The following RPH3A variants were observed in gnomAD, a reference collection of about 807,000 sequenced individuals.
RPH3A encodes the protein rabphilin 3A.
In RPH3A, 48 loss-of-function variants were observed where a neutral mutation model predicts 102.2. The ratio of observed to expected loss-of-function variants is 0.47; its 90% CI spans 0.37 to 0.60. The LOEUF (loss-of-function observed/expected upper bound fraction) is 0.60. RPH3A is among the 20% of genes least tolerant of loss of function. RPH3A has a pLI of 0.00. For synonymous variants in RPH3A, 310 were observed against 324.3 expected, an observed-to-expected ratio of 0.96 and a Z score of 0.47; for missense variants, 781 against 910.1, an observed-to-expected ratio of 0.86 and a Z score of 1.83.
chr12:112,774,786 G>T (rs889575598), intron 1 of RPH3A, among the ~76,000 whole-genome samples: 1 of 151,758 alleles, frequency 6.6e-6, no homozygotes, highest in Non-Finnish European at 1.5e-5. Context: ...GGGGGGTGAG[G>T]TAGGGGGCGG....
At chr12:112,826,506 G>GTATATA in intron 2 of RPH3A, among the ~76,000 whole-genome samples, 1 of 152,274 alleles carries the variant, frequency 6.6e-6, no homozygotes, top group East Asian at 1.9e-4. Context: ...CTTTGCAGAT[G>GTATATA]TATATACCTG....
At chr12:112,585,572 T>C (rs1237283782) in intron 1 of RPH3A, among the ~76,000 whole-genome samples, 2 of 152,118 alleles carry the variant, frequency 1.3e-5, no homozygotes, top group African/African-American at 4.8e-5. Flanking sequence ...CCGTCTCTAC[T>C]AAAAATACAA....
chr12:112,803,337 G>A (rs1175758016), intron 2 of RPH3A, among the ~76,000 whole-genome samples: 1 of 151,942 alleles, frequency 6.6e-6, no homozygotes, highest in Admixed American at 6.6e-5. Context: ...GAGAGAGGGA[G>A]AGGATGAATT....
intron 1 of RPH3A, among the ~76,000 whole-genome samples, chr12:112,769,674 T>C (rs2040914878): frequency 6.6e-6 from 1 of 152,190 alleles, no homozygotes; most frequent in African/African-American, 2.4e-5. Flanking sequence ...AAAGAACTCT[T>C]AGATTGGGAG....
intron 17 of RPH3A, 114 bp downstream of exon 17, chr12:112,888,037 C>A: frequency 8.3e-7 from 1 of 1,200,692 alleles, no homozygotes; most frequent in Non-Finnish European, 1.2e-6. Context: ...AGCAGAGGCA[C>A]TGCAGCAGGT....
At chr12:112,641,696 C>A (rs2039892084) in intron 1 of RPH3A, among the ~76,000 whole-genome samples, 1 of 152,194 alleles carries the variant, frequency 6.6e-6, no homozygotes. Context: ...CCGTGCCCAG[C>A]TGAAGGTTGG....
chr12:112,678,589 G>T (rs1307524561), intron 1 of RPH3A, among the ~76,000 whole-genome samples: 2 of 152,004 alleles, frequency 1.3e-5, no homozygotes, highest in African/African-American at 4.8e-5. Flanking sequence ...TTCCTGCTTG[G>T]ACTCATCTCC....
chr12:112,779,496 A>G (rs563262799), intron 1 of RPH3A, among the ~76,000 whole-genome samples: 26 of 152,196 alleles, frequency 1.7e-4, no homozygotes, highest in Non-Finnish European at 3.7e-4. Context: ...TGGCCACTAT[A>G]TAATAACTCA....
intron 1 of RPH3A, among the ~76,000 whole-genome samples, chr12:112,575,658 C>T (rs958328703): frequency 6.6e-6 from 1 of 152,002 alleles, no homozygotes; most frequent in Admixed American, 6.5e-5. Flanking sequence ...CCGGTAGCCA[C>T]GGGGTGTCGG....
chr12:112,633,200 TA>T (rs370221085), intron 1 of RPH3A, among the ~76,000 whole-genome samples: 8 of 152,254 alleles, frequency 5.3e-5, no homozygotes, highest in African/African-American at 1.9e-4. Flanking sequence ...ACCCTGTCTC[TA>T]AAAACAACAA....
At chr12:112,866,424 G>A (rs1015795421) in intron 6 of RPH3A, among the ~76,000 whole-genome samples, 13 of 152,088 alleles carry the variant, frequency 8.5e-5, no homozygotes, top group African/African-American at 3.1e-4. Context: ...GAAATAAAGA[G>A]GAAATAAATT....
At position 112,759,983 on chromosome 12, in the gene RPH3A, C is replaced by T. The variant is rs71465864; in HGVS notation, c.-139-32160C>T. Reference sequence around the variant, plus strand: ...GCTGAGTCACGTCGGCTGGACCAGCCGGCCCGACCAGCCGGCCTGTCTGGG... The same window carrying T: ...GCTGAGTCACGTCGGCTGGACCAGCTGGCCCGACCAGCCGGCCTGTCTGGG... On this transcript the variant is annotated intron_variant, in intron 1 of 21. Coordinates refer to the RPH3A transcript ENST00000543106. Among the ~76,000 whole-genome samples, 445 of 152,252 alleles carry T rather than the reference C, an allele frequency of 2.9e-3. 2 individuals are homozygous for T. Among genetic ancestry groups the T allele is most frequent in the African/African-American group, 9.5e-3 (395 of 41,550 alleles).
At chr12:112,854,832 C>T (rs1383303048) in intron 5 of RPH3A, among the ~76,000 whole-genome samples, 2 of 152,234 alleles carry the variant, frequency 1.3e-5, no homozygotes, top group Non-Finnish European at 2.9e-5. Flanking sequence ...TGTCTTTCCA[C>T]TTTATCCTAT....
intron 1 of RPH3A, among the ~76,000 whole-genome samples, chr12:112,638,008 T>G (rs983886667): frequency 1.3e-5 from 2 of 151,936 alleles, no homozygotes; most frequent in Admixed American, 1.3e-4. Flanking sequence ...ATCCCCAACA[T>G]TGGAGGCGGG....
At chr12:112,636,806 C>G (rs1053404116) in intron 1 of RPH3A, among the ~76,000 whole-genome samples, 1 of 152,148 alleles carries the variant, frequency 6.6e-6, no homozygotes, top group East Asian at 1.9e-4. Flanking sequence ...CTTTCACACA[C>G]TCTACTCTAG....
intron 2 of RPH3A, among the ~76,000 whole-genome samples, chr12:112,800,889 G>T (rs3782878): frequency 1.3e-5 from 2 of 152,168 alleles, no homozygotes; most frequent in South Asian, 2.1e-4. Flanking sequence ...AGTCAAGGCC[G>T]TTCAGGGAGC....
chr12:112,684,413 C>T (rs1172775213), intron 1 of RPH3A, among the ~76,000 whole-genome samples: 4 of 151,936 alleles, frequency 2.6e-5, no homozygotes, highest in Non-Finnish European at 5.9e-5. Context: ...TACCTGCTAC[C>T]ATGCACAGCC....
chr12:112,661,576 A>T (rs1310985802), intron 1 of RPH3A, among the ~76,000 whole-genome samples: 2 of 152,206 alleles, frequency 1.3e-5, no homozygotes, highest in African/African-American at 4.8e-5. Context: ...AAGTAGAAAC[A>T]CTATTTGGTC....
At chr12:112,883,451 G>T in intron 16 of RPH3A, 49 bp downstream of exon 16, 1 of 1,411,480 alleles carries the variant, frequency 7.1e-7, no homozygotes, top group Non-Finnish European at 1.0e-6. Context: ...GAGACTCGGG[G>T]TGGGTGGAAC....
Sources: allele counts gnomAD v4.1 joint callset (sites outside exome capture counted in the v4.1 genomes callset), GRCh38; gene constraint gnomAD v4.1.1; transcripts MANE v1.5; gene names NCBI Gene and HGNC (gene_info 2026-07-23, HGNC 2026-07-21).